The following MTAP variants were observed in gnomAD, a reference collection of about 807,000 sequenced individuals.
MTAP encodes methylthioadenosine phosphorylase.
A neutral mutation model predicts 33.6 loss-of-function variants in MTAP; 33 were observed. The ratio of observed to expected loss-of-function variants is 0.98; its 90% confidence interval spans 0.74 to 1.31. The LOEUF is 1.31. Among genes scored for constraint, MTAP ranks in the 40% most tolerant of loss-of-function variants. MTAP has a pLI of 0.00. For synonymous variants in MTAP, 148 were observed against 125.7 expected, an observed-to-expected ratio of 1.18 and a Z score of -1.19; for missense variants, 367 against 360.0, an observed-to-expected ratio of 1.02 and a Z score of -0.16.
At position 21,864,460 on chromosome 9, in the gene MTAP, T is replaced by A. The variant is rs1376570697; in HGVS notation, c.*2446T>A. Reference sequence around the variant, plus strand: ...TGAGCATCATGGGAAAGCTGTAGTTTAGTGACTTAGCCCTTAGTGATTAAT... The same window carrying A: ...TGAGCATCATGGGAAAGCTGTAGTTAAGTGACTTAGCCCTTAGTGATTAAT... On this transcript the variant is annotated 3_prime_UTR_variant, in exon 8 of 8. Transcript: ENST00000644715. 1.0e-6 allele frequency: 1 copy of A among 985,342 alleles called. No individual in the cohort carries two copies. The highest frequency in any genetic ancestry group is 1.1e-4 in the East Asian group (1 of 8,820). 61.0% of individuals were successfully genotyped at this position (985,342 alleles called of 1,614,324 possible).
rs552312229 is a variant in MTAP, at chr9:21,832,619, A to G, written c.348-5289A>G. Among the ~76,000 whole-genome samples the G allele has an allele frequency of 2.0e-5, 3 of 152,144 alleles. No homozygotes were observed. The South Asian group carries it at 6.2e-4, about 32-fold the overall frequency. ...TGTTCTTTGTCATCCTCTTGTCTGT[A>G]GCTGTCCTTGAAGTGGTGTCCACTA... is the stretch of plus-strand genomic sequence containing the variant. On this transcript the variant is annotated intron_variant, in intron 4 of 7. Coordinates refer to ENST00000644715, the MANE Select transcript of MTAP (RefSeq NM_002451.4).
chr9:21,939,528 A>G (rs933721144), downstream of MTAP, among the ~76,000 whole-genome samples: 2 of 152,156 alleles, frequency 1.3e-5, no homozygotes, highest in African/African-American at 4.8e-5. Context: ...AAGTATTATT[A>G]TTTCCAAGGC....
intron 1 of MTAP, among the ~76,000 whole-genome samples, chr9:21,927,471 T>C (rs1204494496): frequency 1.3e-5 from 2 of 152,200 alleles, no homozygotes; most frequent in Non-Finnish European, 2.9e-5. Flanking sequence ...TTGAGTGGTG[T>C]TCCACTCTTA....
intron 1 of MTAP, among the ~76,000 whole-genome samples, chr9:21,809,918 T>C (rs891348370): frequency 1.3e-5 from 2 of 152,158 alleles, no homozygotes; most frequent in African/African-American, 4.8e-5. Context: ...CCTCTAAAAA[T>C]ATCTGGCCAT....
At chr9:21,805,735 G>A (rs535881017) in intron 1 of MTAP, among the ~76,000 whole-genome samples, 38 of 152,272 alleles carry the variant, frequency 2.5e-4, no homozygotes, top group African/African-American at 7.7e-4. Flanking sequence ...GAGCCAAAAC[G>A]TGGGCCTTCC....
chr9:21,848,154 A>T (rs1825426563), intron 5 of MTAP, among the ~76,000 whole-genome samples: 1 of 152,170 alleles, frequency 6.6e-6, no homozygotes, highest in Admixed American at 6.5e-5. Flanking sequence ...CCCCTGAGGC[A>T]GTTGCCAGGC....
At chr9:21,909,574 G>A (rs1818534589) in intron 1 of MTAP, among the ~76,000 whole-genome samples, 2 of 152,084 alleles carry the variant, frequency 1.3e-5, no homozygotes, top group Admixed American at 1.3e-4. Context: ...ACCTTGTGGT[G>A]TTATGAATTT....
chr9:21,825,755 C>T (rs755946377), intron 4 of MTAP, among the ~76,000 whole-genome samples: 9 of 152,270 alleles, frequency 5.9e-5, no homozygotes, highest in Non-Finnish European at 1.0e-4. Context: ...GTGGGAGAAT[C>T]GCTTGAGCCT....
chr9:21,868,649 A>G (rs991947254), downstream of MTAP, among the ~76,000 whole-genome samples: 1 of 152,134 alleles, frequency 6.6e-6, no homozygotes, highest in Non-Finnish European at 1.5e-5. Flanking sequence ...AAAACCCTTC[A>G]TCAGCTCTCC....
intron 4 of MTAP, among the ~76,000 whole-genome samples, chr9:21,819,920 T>G (rs190642336): frequency 1.3e-5 from 2 of 152,370 alleles, no homozygotes; most frequent in Admixed American, 1.3e-4. Flanking sequence ...CATGTGTCTT[T>G]TGGCTGCATA....
At chr9:21,885,904 T>G (rs1818101816) in intron 1 of MTAP, among the ~76,000 whole-genome samples, 1 of 151,978 alleles carries the variant, frequency 6.6e-6, no homozygotes, top group Non-Finnish European at 1.5e-5. Flanking sequence ...TGAATTGTCC[T>G]GCTATAAACA....
chr9:21,880,569 C>A (rs561476985), intron 1 of MTAP, among the ~76,000 whole-genome samples: 1 of 152,178 alleles, frequency 6.6e-6, no homozygotes, highest in East Asian at 1.9e-4. Context: ...TAAGATACAA[C>A]ATTTATATAC....
chr9:21,938,442 AAAG>A (rs1284559015), downstream of MTAP, among the ~76,000 whole-genome samples: 24 of 152,082 alleles, frequency 1.6e-4, no homozygotes, highest in African/African-American at 5.8e-4. Context: ...TTGGAAAAAA[AAAG>A]AAAGAAAGAA....
intron 6 of MTAP, among the ~76,000 whole-genome samples, chr9:21,858,221 C>G (rs759671859): frequency 4.6e-5 from 7 of 152,156 alleles, no homozygotes; most frequent in Non-Finnish European, 8.8e-5. Flanking sequence ...ATTGTAATCC[C>G]TTCGGCTGTG....
At position 21,889,492 on chromosome 9, in the gene MTAP, T is replaced by C. The variant is rs966584447; in HGVS notation, c.147+34622T>C. ...TGTCATATTACCAGAATTGTTTCTC[T>C]GTTTTCTTCTCATTTGGGTAGATTA... On this transcript the variant is annotated intron_variant, in intron 1 of 1. Coordinates refer to the MTAP transcript ENST00000577563. 3.3e-5 allele frequency among the ~76,000 whole-genome samples: 5 copies of C among 152,276 alleles called. No individual in the cohort carries two copies. The East Asian group carries it at 9.6e-4, about 29-fold the overall frequency.
At chr9:21,807,678 C>T (rs1824243529) in intron 1 of MTAP, among the ~76,000 whole-genome samples, 1 of 152,104 alleles carries the variant, frequency 6.6e-6, no homozygotes, top group South Asian at 2.1e-4. Context: ...AAAAAGACTA[C>T]CTGCTGAAGA....
chr9:21,827,208 C>T (rs528557529), intron 4 of MTAP, among the ~76,000 whole-genome samples: 5 of 152,086 alleles, frequency 3.3e-5, no homozygotes, highest in Admixed American at 6.5e-5. Flanking sequence ...TGGAGAGTAG[C>T]GCAGAGTTAA....
chr9:21,823,998 A>G (rs1395178831), intron 4 of MTAP, among the ~76,000 whole-genome samples: 1 of 152,194 alleles, frequency 6.6e-6, no homozygotes, highest in Non-Finnish European at 1.5e-5. Context: ...TATTCTAGTT[A>G]GCCATTCGTC....
rs906989931 is a variant in MTAP, at chr9:21,818,490, G to A, written c.347+288G>A. Among the ~76,000 whole-genome samples the A allele has an allele frequency of 2.6e-5, 4 of 151,998 alleles. No homozygotes were observed. In the South Asian group the frequency reaches 6.2e-4, roughly 24 times the overall value. On this transcript the variant is annotated intron_variant, in intron 4 of 7. Transcript: ENST00000644715. ...CTACAGGCACATGCCACAATGCCCA[G>A]CTAATTTTTGTATTTTTAGTAGAGA...
Sources: gnomAD v4.1 joint callset for allele counts (sites outside exome capture counted in the v4.1 genomes callset) on GRCh38, gnomAD v4.1.1 for gene constraint, MANE v1.5 for transcripts, NCBI Gene and HGNC (gene_info 2026-07-23, HGNC 2026-07-21) for gene names.